The following CCDC60 variants were observed in gnomAD, a reference collection of about 807,000 sequenced individuals.
The protein encoded by CCDC60 is coiled-coil domain-containing protein 60.
CCDC60 carries 54 observed loss-of-function variants against 63.5 expected under a neutral mutation model. The observed-to-expected ratio is 0.85, with a 90% CI of 0.68 to 1.07. CCDC60 has a LOEUF of 1.07. Among genes scored for constraint, CCDC60 ranks in the 50% least tolerant of loss-of-function variants. CCDC60 has a pLI of 0.00. For synonymous variants in CCDC60, 206 were observed against 238.8 expected (o/e 0.86, Z 1.27); for missense variants, 651 against 684.3 (o/e 0.95, Z 0.54).
At chr12:119,427,207 A>G (rs1427113370) in intron 1 of CCDC60, among the ~76,000 whole-genome samples, 3 of 152,192 alleles carry the variant, frequency 2.0e-5, no homozygotes, top group Non-Finnish European at 4.4e-5. Flanking sequence ...ACCTGCCATA[A>G]TCTCACCCCC....
intron 5 of CCDC60, among the ~76,000 whole-genome samples, chr12:119,497,608 T>G (rs571806704): frequency 1.3e-5 from 2 of 152,268 alleles, no homozygotes; most frequent in South Asian, 4.1e-4. Flanking sequence ...TTTTGAAAGC[T>G]TTGCTGGGAC....
chr12:119,489,277 C>G (rs569109799), intron 5 of CCDC60, among the ~76,000 whole-genome samples: 2 of 152,188 alleles, frequency 1.3e-5, no homozygotes, highest in African/African-American at 4.8e-5. Context: ...TCCTCCTTTC[C>G]CTCCCTTTTA....
chr12:119,494,387 G>A (rs1050516614), intron 5 of CCDC60, among the ~76,000 whole-genome samples: 3 of 152,122 alleles, frequency 2.0e-5, no homozygotes, highest in Non-Finnish European at 2.9e-5. Context: ...CAACAGGCTC[G>A]AGTCCCCAGA....
At chr12:119,512,513 C>G (rs1293967573) in intron 7 of CCDC60, among the ~76,000 whole-genome samples, 18 of 152,198 alleles carry the variant, frequency 1.2e-4, no homozygotes, top group Admixed American at 9.8e-4. Context: ...GTCAGAAGGA[C>G]AGTGTGCTGC....
intron 1 of CCDC60, among the ~76,000 whole-genome samples, chr12:119,336,728 G>A (rs1188838666): frequency 1.3e-5 from 2 of 152,152 alleles, no homozygotes; most frequent in African/African-American, 4.8e-5. Context: ...GGACTAAATC[G>A]AATAAGCTAT....
chr12:119,374,030 C>T (rs1955926822), intron 1 of CCDC60, among the ~76,000 whole-genome samples: 1 of 151,760 alleles, frequency 6.6e-6, no homozygotes, highest in African/African-American at 2.4e-5. Context: ...AGCTCTTGCC[C>T]AGGGGCTGAG....
chr12:119,354,346 T>C (rs2136157220), intron 1 of CCDC60, among the ~76,000 whole-genome samples: 1 of 152,332 alleles, frequency 6.6e-6, no homozygotes, highest in South Asian at 2.1e-4. Flanking sequence ...TGTGCTTTCG[T>C]CTGCCTGGAT....
chr12:119,365,060 T>C (rs142353140), intron 1 of CCDC60, among the ~76,000 whole-genome samples: 67 of 152,322 alleles, frequency 4.4e-4, no homozygotes, highest in African/African-American at 1.5e-3. Flanking sequence ...TATTGTTCCA[T>C]TTAATCCTCA....
Position 119,488,705 on chromosome 12 carries a change from G to T in CCDC60, c.450-54G>T, listed in dbSNP as rs1349273254. 6 of 1,502,114 alleles carry T rather than the reference G, an allele frequency of 4.0e-6. No individual in the cohort carries two copies. In the African/African-American group the frequency reaches 8.3e-5, roughly 21 times the overall value. 93.0% of individuals were successfully genotyped at this position (1,502,114 alleles called of 1,614,324 possible). A position where few individuals can be genotyped will look rare whatever the true frequency, so the allele number is the denominator to read the frequency against. ...CTACTATTTCTGTGGCTATTTTTGC[G>T]AAGAAAGTTGTTCTAACAGGATCCC... On this transcript the variant is annotated intron_variant, in intron 4 of 13. Transcript: ENST00000327554.
intron 8 of CCDC60, among the ~76,000 whole-genome samples, chr12:119,518,567 T>C (rs373606721): frequency 1.3e-5 from 2 of 152,196 alleles, no homozygotes; most frequent in East Asian, 1.9e-4. Context: ...AATAAGATAA[T>C]ATTATCCCTG....
At position 119,459,952 on chromosome 12, in the gene CCDC60, C is replaced by A. The variant is rs564801128; in HGVS notation, c.171-12042C>A. ...CAACTTTTTCTCTATTGCAATAATG[C>A]TATCTCAGTAAAGTGGCTTTATCTG... On this transcript the variant is annotated intron_variant, in intron 2 of 13. Coordinates refer to ENST00000327554, the MANE Select transcript of CCDC60 (RefSeq NM_178499.5). Among the ~76,000 whole-genome samples the A allele has an allele frequency of 5.9e-5, 9 of 152,296 alleles. 1 individual carries two copies. In the East Asian group the frequency reaches 1.4e-3, roughly 23 times the overall value.
chr12:119,387,354 C>T (rs1049803012), intron 1 of CCDC60, among the ~76,000 whole-genome samples: 1 of 152,190 alleles, frequency 6.6e-6, no homozygotes, highest in Non-Finnish European at 1.5e-5. Flanking sequence ...ACAAAACTTA[C>T]ATCTGTGCAT....
chr12:119,466,237 T>C (rs552885925), intron 2 of CCDC60, among the ~76,000 whole-genome samples: 4 of 152,274 alleles, frequency 2.6e-5, no homozygotes, highest in South Asian at 4.1e-4. Context: ...TGTTCCTCCA[T>C]AGCAGTTGGC....
intron 1 of CCDC60, among the ~76,000 whole-genome samples, chr12:119,339,229 C>T (rs1259069403): frequency 2.6e-5 from 4 of 152,152 alleles, no homozygotes; most frequent in South Asian, 2.1e-4. Flanking sequence ...CCCACGATTT[C>T]TGCCTTGGAA....
intron 3 of CCDC60, among the ~76,000 whole-genome samples, chr12:119,472,553 A>G (rs1214352672): frequency 6.6e-6 from 1 of 150,402 alleles, no homozygotes. Context: ...GTCCACAGAA[A>G]CCAGGTGCAT....
chr12:119,425,692 A>G (rs868355075), intron 1 of CCDC60, among the ~76,000 whole-genome samples: 13 of 152,324 alleles, frequency 8.5e-5, no homozygotes, highest in African/African-American at 2.6e-4. Context: ...AATGGCTGCA[A>G]GCAACTCGCA....
At chr12:119,336,501 G>A (rs1050653017) in intron 1 of CCDC60, among the ~76,000 whole-genome samples, 9 of 152,168 alleles carry the variant, frequency 5.9e-5, no homozygotes, top group African/African-American at 2.2e-4. Flanking sequence ...CCGTCTGCAG[G>A]ACTTACTCTC....
intron 2 of CCDC60, chr12:119,433,638 G>T: frequency 2.9e-6 from 2 of 698,260 alleles, no homozygotes; most frequent in South Asian, 3.0e-5. Context: ...TAACAAAGAT[G>T]ATGTTGACTT....
In CCDC60 at chr12:119,488,005, C is replaced by A. The variant is rs1382376033; in HGVS notation, c.450-754C>A. ...CACAGGTGCATGCCACCACACCCAGCTCATTTTTGTATTTTTTGTAGGCTA... is the reference window on the plus strand; with the variant it reads ...CACAGGTGCATGCCACCACACCCAGATCATTTTTGTATTTTTTGTAGGCTA... On this transcript the variant is annotated intron_variant, in intron 4 of 13. Coordinates refer to ENST00000327554, the MANE Select transcript of CCDC60 (RefSeq NM_178499.5). Among the ~76,000 whole-genome samples, 3 of 152,058 alleles carry A rather than the reference C, an allele frequency of 2.0e-5. No homozygotes were observed. The East Asian group carries it at 5.8e-4, about 29-fold the overall frequency.
Sources: gnomAD v4.1 joint callset for allele counts (sites outside exome capture counted in the v4.1 genomes callset) on GRCh38, gnomAD v4.1.1 for gene constraint, MANE v1.5 for transcripts, NCBI Gene and HGNC (gene_info 2026-07-23, HGNC 2026-07-21) for gene names.